SMYD1: variants seen among roughly 807,000 people sequenced by gnomAD.
SMYD1 encodes the protein histone-lysine N-methyltransferase SMYD1.
A neutral mutation model predicts 54.0 loss-of-function variants in SMYD1; 49 were observed. That is an observed-to-expected ratio of 0.91 (90% CI 0.72 to 1.15). The LOEUF is 1.15. Ranked by LOEUF, SMYD1 falls within the 50% of genes most tolerant of loss-of-function variation. The pLI is 0.00. For missense variants in SMYD1, 653 were observed against 639.6 expected (o/e 1.02, Z -0.23); for synonymous variants, 269 against 234.2 (o/e 1.15, Z -1.36).
At chr2:88,100,879 G>A (rs1002602878) in intron 6 of SMYD1, among the ~76,000 whole-genome samples, 1 of 152,188 alleles carries the variant, frequency 6.6e-6, no homozygotes, top group African/African-American at 2.4e-5. Flanking sequence ...TCAGAGTCAG[G>A]CCATGGAACA....
At chr2:88,094,571 A>G (rs532727946) in intron 5 of SMYD1, among the ~76,000 whole-genome samples, 11 of 152,234 alleles carry the variant, frequency 7.2e-5, no homozygotes, top group East Asian at 1.9e-4. Flanking sequence ...CCCTCCCCCA[A>G]TCTCCAGTTT....
At chr2:88,099,887 C>G (rs937333500) in intron 6 of SMYD1, among the ~76,000 whole-genome samples, 4 of 151,262 alleles carry the variant, frequency 2.6e-5, no homozygotes, top group South Asian at 2.1e-4. Context: ...TGGCCCTTCC[C>G]CCTTTCATCT....
At chr2:88,102,367 T>TG (rs201632731) in intron 6 of SMYD1, among the ~76,000 whole-genome samples, 1,204 of 100,602 alleles carry the variant, frequency 0.012, 19 homozygotes, top group Non-Finnish European at 0.014. Flanking sequence ...TGTTTTGTTT[T>TG]GTTTTTTTTG....
At chr2:88,106,929 G>A (rs182897650) in intron 8 of SMYD1, among the ~76,000 whole-genome samples, 211 of 152,168 alleles carry the variant, frequency 1.4e-3, no homozygotes, top group African/African-American at 4.8e-3. Flanking sequence ...GGCCAGGCGC[G>A]GTGGCTCACG....
chr2:88,084,612 A>C, intron 2 of SMYD1, 120 bp downstream of exon 2: 1 of 920,422 alleles, frequency 1.1e-6, no homozygotes, highest in Middle Eastern at 3.6e-4. Flanking sequence ...AAACAGCCTC[A>C]AAGACTGGAT....
intron 3 of SMYD1, among the ~76,000 whole-genome samples, chr2:88,089,790 C>T (rs893577463): frequency 1.3e-5 from 2 of 151,646 alleles, no homozygotes; most frequent in Non-Finnish European, 2.9e-5. Context: ...CAGGGTTTCA[C>T]CATATTGCCC....
intron 1 of SMYD1, among the ~76,000 whole-genome samples, chr2:88,071,263 A>T (rs915629762): frequency 1.2e-4 from 19 of 152,226 alleles, no homozygotes; most frequent in Admixed American, 1.2e-3. Context: ...ACAGAAGTGT[A>T]ATTACTAGGC....
chr2:88,084,560 A>C, intron 2 of SMYD1, 68 bp downstream of exon 2: 1 of 1,448,994 alleles, frequency 6.9e-7, no homozygotes, highest in Non-Finnish European at 9.4e-7. Context: ...GGCAGTAACA[A>C]CATTCCCAGA....
At chr2:88,080,333 T>A (rs1190593459) in intron 1 of SMYD1, among the ~76,000 whole-genome samples, 1 of 152,248 alleles carries the variant, frequency 6.6e-6, no homozygotes, top group East Asian at 1.9e-4. Flanking sequence ...AATTGTGAAG[T>A]GTAATGTTTT....
At chr2:88,087,115 A>G (rs1272216255) in intron 2 of SMYD1, among the ~76,000 whole-genome samples, 2 of 150,260 alleles carry the variant, frequency 1.3e-5, no homozygotes, top group Admixed American at 6.6e-5. Flanking sequence ...CAATACTTTC[A>G]CACACAATGC....
intron 3 of SMYD1, among the ~76,000 whole-genome samples, chr2:88,089,808 T>C (rs1674424011): frequency 2.0e-5 from 3 of 151,944 alleles, no homozygotes; most frequent in Non-Finnish European, 4.4e-5. Context: ...CCCAGGCTGA[T>C]CTCAAACTCC....
At chr2:88,086,706 T>C (rs1168137184) in intron 2 of SMYD1, among the ~76,000 whole-genome samples, 3 of 152,214 alleles carry the variant, frequency 2.0e-5, no homozygotes, top group Non-Finnish European at 2.9e-5. Context: ...ATACTTATGA[T>C]TGCCAAAAAT....
chr2:88,070,194 A>G (rs1673915281), intron 1 of SMYD1, among the ~76,000 whole-genome samples: 1 of 152,138 alleles, frequency 6.6e-6, no homozygotes. Flanking sequence ...CTTTGGTTAT[A>G]CCAGAGACAG....
At chr2:88,089,115 A>G (rs572940702) in intron 3 of SMYD1, among the ~76,000 whole-genome samples, 47 of 152,356 alleles carry the variant, frequency 3.1e-4, no homozygotes, top group East Asian at 2.3e-3. Context: ...AAGGTAGGCC[A>G]TCAGGCTGGA....
intron 6 of SMYD1, among the ~76,000 whole-genome samples, chr2:88,102,673 C>G (rs1674746297): frequency 6.6e-6 from 1 of 152,174 alleles, no homozygotes; most frequent in African/African-American, 2.4e-5. Context: ...AAGGATGTAC[C>G]TGTGGAATAT....
intron 1 of SMYD1, among the ~76,000 whole-genome samples, chr2:88,081,058 A>G (rs1313172506): frequency 6.6e-6 from 1 of 151,968 alleles, no homozygotes; most frequent in Non-Finnish European, 1.5e-5. Flanking sequence ...GCCCGTCACC[A>G]CGCCCAACTA....
chr2:88,070,961 A>AAAC (rs1673935128), intron 1 of SMYD1, among the ~76,000 whole-genome samples: 2 of 151,656 alleles, frequency 1.3e-5, no homozygotes, highest in Non-Finnish European at 2.9e-5. Flanking sequence ...AAAAAAAAAA[A>AAAC]AAAAAACAGT....
Position 88,070,186 on chromosome 2 carries a change from T to G in SMYD1, c.137+2185T>G, listed in dbSNP as rs937654986. Among the ~76,000 whole-genome samples, 28 of 152,160 alleles carry G rather than the reference T, an allele frequency of 1.8e-4. 1 individual carries two copies. Among genetic ancestry groups the G allele is most frequent in the Non-Finnish European group, 5.9e-5 (4 of 68,032 alleles). ...CATAGATGAGGGAGCTGTGCTTTCT[T>G]TGGTTATACCAGAGACAGCCCAAAG... On this transcript the variant is annotated intron_variant, in intron 1 of 9. Transcript: ENST00000419482.
chr2:88,107,179 C>T (rs763978942), intron 8 of SMYD1, among the ~76,000 whole-genome samples: 29 of 151,566 alleles, frequency 1.9e-4, no homozygotes, highest in African/African-American at 3.9e-4. Flanking sequence ...CCAGCCTGGG[C>T]GACAGAGCAA....
Sources: gnomAD v4.1 joint callset for allele counts (sites outside exome capture counted in the v4.1 genomes callset) on GRCh38, gnomAD v4.1.1 for gene constraint, MANE v1.5 for transcripts, NCBI Gene and HGNC (gene_info 2026-07-23, HGNC 2026-07-21) for gene names.